Variants in MALRD1 observed in about 807,000 individuals in gnomAD.
The protein encoded by MALRD1 is MAM and LDL receptor class A domain containing 1.
Under a neutral mutation model 242.1 loss-of-function variants are expected in MALRD1, and 247 were observed. That is an observed-to-expected ratio of 1.02 (90% CI 0.92 to 1.13). The LOEUF (loss-of-function observed/expected upper bound fraction) is 1.13. Ranked by LOEUF, MALRD1 falls within the 50% of genes most tolerant of loss-of-function variation. MALRD1 has a pLI of 0.00. For missense variants in MALRD1, 2,989 were observed against 2,533.1 expected, an observed-to-expected ratio of 1.18 and a Z score of -3.86; for synonymous variants, 995 against 866.6, an observed-to-expected ratio of 1.15 and a Z score of -2.60.
At chr10:19,334,076 A>G (rs1177756317) in intron 24 of MALRD1, among the ~76,000 whole-genome samples, 1 of 80,620 alleles carries the variant, frequency 1.2e-5, no homozygotes, top group Admixed American at 1.4e-4. Flanking sequence ...GTCTGTGACT[A>G]TTTTCTGCTG....
chr10:19,127,460 CTTG>C (rs990995365), intron 7 of MALRD1, among the ~76,000 whole-genome samples: 2 of 152,042 alleles, frequency 1.3e-5, no homozygotes, highest in Admixed American at 1.3e-4. Flanking sequence ...TTTTGTCTTT[CTTG>C]TTGTATTTGG....
chr10:19,713,316 C>T (rs1472692047), intron 38 of MALRD1, among the ~76,000 whole-genome samples: 2 of 152,166 alleles, frequency 1.3e-5, no homozygotes, highest in African/African-American at 4.8e-5. Flanking sequence ...TTATCTGATC[C>T]TGGAACCATA....
chr10:19,534,288 A>G (rs951142950), intron 32 of MALRD1, among the ~76,000 whole-genome samples: 2 of 152,212 alleles, frequency 1.3e-5, no homozygotes, highest in Admixed American at 6.5e-5. Flanking sequence ...GCTGTGGAAA[A>G]TCTTGAGTTA....
At chr10:19,061,533 TG>T (rs1834822510) in intron 1 of MALRD1, among the ~76,000 whole-genome samples, 1 of 152,160 alleles carries the variant, frequency 6.6e-6, no homozygotes, top group African/African-American at 2.4e-5. Flanking sequence ...TAACACTTCC[TG>T]ATTTCAAAAC....
chr10:19,142,536 A>G (rs938988290), intron 10 of MALRD1, among the ~76,000 whole-genome samples: 1 of 152,182 alleles, frequency 6.6e-6, no homozygotes, highest in Non-Finnish European at 1.5e-5. Flanking sequence ...CTTTGTCATA[A>G]TCTTAAAATA....
Position 19,399,540 on chromosome 10 carries a change from C to T in MALRD1, c.4845+9931C>T, listed in dbSNP as rs183608305. Among the ~76,000 whole-genome samples the T allele has an allele frequency of 1.1e-4, 16 of 152,242 alleles. 1 individual carries two copies. Among genetic ancestry groups the T allele is most frequent in the Admixed American group, 9.8e-4 (15 of 15,278 alleles). On this transcript the variant is annotated intron_variant, in intron 28 of 39. Transcript: ENST00000454679. ...AATCACATTTCTGACTCGGATGCTG[C>T]TATAAGTTTGGCAGTCCGTTTTTAC...
chr10:19,290,962 T>TGTAAACTGGCTCATAGCC (rs1564534445), intron 21 of MALRD1, among the ~76,000 whole-genome samples: 2 of 152,136 alleles, frequency 1.3e-5, no homozygotes, highest in Admixed American at 1.3e-4. Flanking sequence ...AGTGTTTCTA[T>TGTAAACTGGCTCATAGCC]AGTATGTAAA....
chr10:19,273,423 C>T (rs1171976431), intron 19 of MALRD1, among the ~76,000 whole-genome samples: 1 of 152,116 alleles, frequency 6.6e-6, no homozygotes, highest in East Asian at 1.9e-4. Flanking sequence ...ACACAAAAAA[C>T]CTAGATACAG....
rs182128717 is a variant in MALRD1, at chr10:19,380,442, C to T, written c.4442-7086C>T. Among the ~76,000 whole-genome samples, 281 of 152,022 alleles carry T rather than the reference C, an allele frequency of 1.8e-3. 2 individuals carry two copies. The South Asian group carries it at 0.025, about 14-fold the overall frequency. On this transcript the variant is annotated intron_variant, in intron 26 of 39. Transcript: ENST00000454679. ...GTATGAATTATTCCCCTCAGCTGTT[C>T]AGTAGTTCTTTTGTTTCATTTTTTG...
intron 38 of MALRD1, among the ~76,000 whole-genome samples, chr10:19,701,132 A>T (rs1180632347): frequency 6.6e-6 from 1 of 152,044 alleles, no homozygotes. Context: ...CTGGGTGACA[A>T]AGCAAGACCC....
At chr10:19,472,874 C>T (rs1004132306) in intron 29 of MALRD1, among the ~76,000 whole-genome samples, 11 of 150,570 alleles carry the variant, frequency 7.3e-5, no homozygotes, top group Admixed American at 6.6e-5. Flanking sequence ...TGTCTCATTC[C>T]CTGTATCATT....
At chr10:19,695,788 T>A (rs10827774) in intron 38 of MALRD1, among the ~76,000 whole-genome samples, 55,807 of 151,928 alleles carry the variant, frequency 0.37, 11,387 homozygotes, top group South Asian at 0.47. Context: ...CCTCCCAAAG[T>A]GCTGGGATTA....
intron 9 of MALRD1, among the ~76,000 whole-genome samples, chr10:19,136,176 A>T (rs1362001560): frequency 7.0e-6 from 1 of 142,880 alleles, no homozygotes; most frequent in African/African-American, 3.1e-5. Context: ...TAATGACAAC[A>T]CTTCTTATTT....
At chr10:19,728,502 C>T (rs1308528451) in intron 38 of MALRD1, 1 of 152,216 alleles carries the variant, frequency 6.6e-6, no homozygotes, top group South Asian at 2.1e-4. Flanking sequence ...TGTGTTGCTT[C>T]TGCCTCACAC....
intron 1 of MALRD1, among the ~76,000 whole-genome samples, chr10:19,064,954 GA>G (rs1834926637): frequency 6.7e-6 from 1 of 149,264 alleles, no homozygotes; most frequent in South Asian, 2.1e-4. Context: ...GCAAATTAAG[GA>G]GCAGATTAAT....
intron 32 of MALRD1, 140 bp downstream of exon 32, chr10:19,531,491 A>G: frequency 1.2e-6 from 1 of 852,654 alleles, no homozygotes. Flanking sequence ...TTTCTGGGGC[A>G]GTGGGACTTT....
chr10:19,252,546 A>T (rs1839339477), intron 18 of MALRD1, among the ~76,000 whole-genome samples: 1 of 152,090 alleles, frequency 6.6e-6, no homozygotes, highest in Non-Finnish European at 1.5e-5. Flanking sequence ...TGTTTCCCAA[A>T]ATAAGAAAAC....
rs187733039 is a variant in MALRD1 at position 19,514,571 on chromosome 10, C to T, written c.5320+15925C>T. 1.2e-4 allele frequency among the ~76,000 whole-genome samples: 19 copies of T among 152,138 alleles called. No homozygotes were observed. The East Asian group carries it at 3.3e-3, about 26-fold the overall frequency. On this transcript the variant is annotated intron_variant, in intron 31 of 39. Transcript: ENST00000454679. Reference sequence around the variant, plus strand: ...TGAATACTTGATTAAAATAGGATTACAGGGCAATGTGAAACAATGCTTACT... The same window carrying T: ...TGAATACTTGATTAAAATAGGATTATAGGGCAATGTGAAACAATGCTTACT...
Position 19,498,630 on chromosome 10 carries a change from C to T in MALRD1, c.5304C>T (p.Asp1768=), listed in dbSNP as rs970572178. 53 of 1,549,854 alleles carry T rather than the reference C, an allele frequency of 3.4e-5. No homozygotes were observed. The Admixed American group carries it at 1.0e-3, about 29-fold the overall frequency. The change falls in exon 31 of 40, where the codon GAC becomes GAT. Residue 1768 remains aspartate (D), a synonymous_variant. Transcript: ENST00000454679. Reference sequence around the variant, plus strand: ...TTCCTGCCAAAGCATTAATTCCAGACTCTGATCACACGCCAGGTAAATCTA... The same window carrying T: ...TTCCTGCCAAAGCATTAATTCCAGATTCTGATCACACGCCAGGTAAATCTA... ...SRIPAKALIP[D]SDHTPGSGQH...
Sources: allele counts gnomAD v4.1 joint callset (sites outside exome capture counted in the v4.1 genomes callset), GRCh38; gene constraint gnomAD v4.1.1; transcripts MANE v1.5; gene names NCBI Gene and HGNC (gene_info 2026-07-23, HGNC 2026-07-21).